The following PDE4D variants were observed in gnomAD, a reference collection of about 807,000 sequenced individuals.
The protein encoded by PDE4D is phosphodiesterase 4D.
PDE4D carries 24 observed loss-of-function variants against 87.4 expected under a neutral mutation model. The observed-to-expected ratio is 0.27, with a 90% CI of 0.20 to 0.39. PDE4D has a LOEUF of 0.39. Ranked by LOEUF, PDE4D falls within the 10% of genes least tolerant of loss-of-function variation. The pLI is 1.00. For synonymous variants in PDE4D, 384 were observed against 383.2 expected (o/e 1.00, Z -0.02); for missense variants, 714 against 1,041.0 (o/e 0.69, Z 4.32).
intron 1 of PDE4D, among the ~76,000 whole-genome samples, chr5:59,489,360 T>C (rs544314089): frequency 6.6e-6 from 1 of 152,280 alleles, no homozygotes; most frequent in South Asian, 2.1e-4. Context: ...TTGAGCTCTT[T>C]TGTTTCTTAC....
At chr5:60,026,977 T>C (rs1766695904) in intron 2 of PDE4D, among the ~76,000 whole-genome samples, 1 of 152,182 alleles carries the variant, frequency 6.6e-6, no homozygotes, top group Non-Finnish European at 1.5e-5. Context: ...TATAACTGTA[T>C]CCTCGTTGTT....
At chr5:59,705,058 C>T (rs1388388981) in intron 1 of PDE4D, among the ~76,000 whole-genome samples, 1 of 152,184 alleles carries the variant, frequency 6.6e-6, no homozygotes, top group African/African-American at 2.4e-5. Context: ...GAAATGAAAA[C>T]TGTTCCATGT....
chr5:60,081,069 T>C (rs34018305), intron 2 of PDE4D, among the ~76,000 whole-genome samples: 20,860 of 151,832 alleles, frequency 0.14, 1,504 homozygotes, highest in Middle Eastern at 0.22. Context: ...CTGTTATTGG[T>C]CTATTCAGGA....
chr5:60,488,718 G>C (rs1300216963), upstream of PDE4D, among the ~76,000 whole-genome samples: 1 of 152,058 alleles, frequency 6.6e-6, no homozygotes, highest in African/African-American at 2.4e-5. Flanking sequence ...AAGAGTCAAC[G>C]GGGCTGAGAC....
At chr5:59,719,784 T>G (rs145012725) in intron 1 of PDE4D, among the ~76,000 whole-genome samples, 16 of 152,344 alleles carry the variant, frequency 1.1e-4, no homozygotes, top group African/African-American at 3.6e-4. Context: ...TGTTAAGAGA[T>G]ATTTTAGAGA....
At chr5:60,385,590 G>A (rs1583592766) in intron 1 of PDE4D, among the ~76,000 whole-genome samples, 1 of 152,208 alleles carries the variant, frequency 6.6e-6, no homozygotes. Flanking sequence ...AAATCCAAGT[G>A]CCTCTGGTGC....
intron 13 of PDE4D, 68 bp downstream of exon 13, chr5:58,976,282 T>G: frequency 1.3e-6 from 2 of 1,515,750 alleles, no homozygotes; most frequent in Non-Finnish European, 1.8e-6. Context: ...TTATCAAAGC[T>G]GAACACGCAG....
At chr5:60,044,574 C>A (rs1488575365) in intron 2 of PDE4D, among the ~76,000 whole-genome samples, 2 of 147,688 alleles carry the variant, frequency 1.4e-5, no homozygotes, top group African/African-American at 2.5e-5. Flanking sequence ...TCCATGTGTT[C>A]TCATTGTTCA....
intron 1 of PDE4D, among the ~76,000 whole-genome samples, chr5:59,679,238 A>G (rs1475521986): frequency 1.3e-5 from 2 of 152,232 alleles, no homozygotes; most frequent in African/African-American, 4.8e-5. Flanking sequence ...AACCTAGGAT[A>G]ATTTTGTAGA....
chr5:60,495,340 G>A (rs1749754083), intron 1 of PDE4D, among the ~76,000 whole-genome samples: 2 of 152,290 alleles, frequency 1.3e-5, no homozygotes, highest in African/African-American at 4.8e-5. Flanking sequence ...CGAATGTCAT[G>A]TGCATAAGGA....
At chr5:59,220,876 A>C (rs1752403684) in intron 1 of PDE4D, among the ~76,000 whole-genome samples, 1 of 150,606 alleles carries the variant, frequency 6.6e-6, no homozygotes, top group Non-Finnish European at 1.5e-5. Flanking sequence ...GATGGAGCCC[A>C]AGCAAAAAAC....
At chr5:60,166,416 A>G (rs1782906699) in intron 2 of PDE4D, among the ~76,000 whole-genome samples, 1 of 152,236 alleles carries the variant, frequency 6.6e-6, no homozygotes, top group Admixed American at 6.5e-5. Flanking sequence ...AAAAATTAAA[A>G]AACTCTAAAC....
At chr5:59,955,680 AGC>A (rs1056759441) in intron 3 of PDE4D, among the ~76,000 whole-genome samples, 2 of 152,190 alleles carry the variant, frequency 1.3e-5, no homozygotes, top group Non-Finnish European at 2.9e-5. Flanking sequence ...TGCCTCTTGT[AGC>A]AGGAGGGTGC....
chr5:59,658,833 T>C (rs569709982), intron 1 of PDE4D, among the ~76,000 whole-genome samples: 1 of 152,128 alleles, frequency 6.6e-6, no homozygotes, highest in South Asian at 2.1e-4. Flanking sequence ...CGTGTGTGTG[T>C]GTGTGTGTTT....
At chr5:59,378,686 A>G (rs759056489) in intron 1 of PDE4D, among the ~76,000 whole-genome samples, 5 of 152,230 alleles carry the variant, frequency 3.3e-5, no homozygotes, top group African/African-American at 4.8e-5. Context: ...GCTACTCAAA[A>G]CAATCACGAG....
At chr5:59,981,690 A>T (rs1217461049) in intron 3 of PDE4D, among the ~76,000 whole-genome samples, 2 of 152,216 alleles carry the variant, frequency 1.3e-5, no homozygotes, top group Admixed American at 6.5e-5. Flanking sequence ...ATCAAACATG[A>T]AGGTACAGGC....
chr5:60,132,373 A>G (rs1309020973), intron 2 of PDE4D, among the ~76,000 whole-genome samples: 1 of 152,150 alleles, frequency 6.6e-6, no homozygotes, highest in Non-Finnish European at 1.5e-5. Context: ...CTTTTATTGC[A>G]TATTCATTTA....
At chr5:60,071,019 TG>T (rs1233419065) in intron 2 of PDE4D, among the ~76,000 whole-genome samples, 1 of 152,020 alleles carries the variant, frequency 6.6e-6, no homozygotes, top group Non-Finnish European at 1.5e-5. Context: ...TGGCATCATT[TG>T]TGATTTCTCT....
At chr5:59,508,168 A>C (rs1434643459) in intron 1 of PDE4D, among the ~76,000 whole-genome samples, 1 of 152,094 alleles carries the variant, frequency 6.6e-6, no homozygotes, top group African/African-American at 2.4e-5. Flanking sequence ...CAGGGCAAGA[A>C]TCTAAACAAG....
Sources: gnomAD v4.1 joint callset for allele counts (sites outside exome capture counted in the v4.1 genomes callset) on GRCh38, gnomAD v4.1.1 for gene constraint, MANE v1.5 for transcripts, NCBI Gene and HGNC (gene_info 2026-07-23, HGNC 2026-07-21) for gene names.